The following GADL1 variants were observed in gnomAD, a reference collection of about 807,000 sequenced individuals.
GADL1 encodes acidic amino acid decarboxylase GADL1.
GADL1 carries 71 observed loss-of-function variants against 69.5 expected under a neutral mutation model. The observed-to-expected ratio is 1.02, with a 90% CI of 0.84 to 1.25. GADL1 has a LOEUF of 1.25. Ranked by LOEUF, GADL1 falls within the 50% of genes most tolerant of loss-of-function variation. The pLI, the probability that GADL1 is intolerant of heterozygous loss-of-function variation, is 0.00. For synonymous variants in GADL1, 254 were observed against 214.4 expected (o/e 1.18, Z -1.62); for missense variants, 737 against 631.8 (o/e 1.17, Z -1.79).
chr3:30,763,507 C>T (rs60300569), intron 14 of GADL1, among the ~76,000 whole-genome samples: 96 of 6,262 alleles, frequency 0.015, 2 homozygotes, highest in Admixed American at 0.026. Context: ...GTCTCGGCGG[C>T]GGGGGGTGGG....
chr3:30,775,901 A>T (rs1339568907), intron 14 of GADL1, among the ~76,000 whole-genome samples: 1 of 152,156 alleles, frequency 6.6e-6, no homozygotes, highest in Admixed American at 6.5e-5. Context: ...CCTGGCCAAC[A>T]TGGTGAAACC....
At chr3:30,874,926 G>A (rs1698556738) in intron 1 of GADL1, among the ~76,000 whole-genome samples, 1 of 151,864 alleles carries the variant, frequency 6.6e-6, no homozygotes, top group African/African-American at 2.4e-5. Flanking sequence ...ATTGCTTCGG[G>A]GTAATTCTGG....
At position 30,778,273 on chromosome 3, in the gene GADL1, G is replaced by T. The variant is rs1157799; in HGVS notation, c.1303-5C>A. The T allele has an allele frequency of 0.027, 42,216 of 1,569,298 alleles. 4,998 individuals carry two copies. The African/African-American group carries it at 0.36, about 13-fold the overall frequency. The stretch of plus-strand genomic sequence containing the variant: ...GCAAATATTGGCATATTCAGGCTGA[G>T]AATTAGAAAAAATATAAAGTTGTTA... On this transcript the variant is annotated splice_region_variant and splice_polypyrimidine_tract_variant and intron_variant, in intron 13 of 14. Transcript: ENST00000282538.
At chr3:30,844,318 G>A in intron 7 of GADL1, 54 bp from the exon 8 acceptor site, 2 of 1,558,506 alleles carry the variant, frequency 1.3e-6, no homozygotes, top group South Asian at 2.2e-5. Context: ...AACAGATAAT[G>A]ATACTGCTTT....
intron 14 of GADL1, among the ~76,000 whole-genome samples, chr3:30,728,763 C>A (rs1285113746): frequency 6.6e-6 from 1 of 152,016 alleles, no homozygotes; most frequent in Non-Finnish European, 1.5e-5. Flanking sequence ...TTATTCAATG[C>A]TGCCTCATTA....
In GADL1 at chr3:30,861,625, C is replaced by G; in HGVS notation, c.178G>C (p.Val60Leu). ...EEACRLIMEE[V>L]VLKATDVNEK... ...TTGACATCTGTAGCTTTCAAAACCA[C>G]CTCTTCCATTATTAGCCTACAGGCC... is the stretch of plus-strand genomic sequence containing the variant. Residue 60 changes from valine (V) to leucine (L), a missense_variant, in exon 2 of 15, where the codon GTG becomes CTG. Transcript: ENST00000282538. 6.5e-7 allele frequency: 1 copy of G among 1,549,634 alleles called. No individual in the cohort carries two copies. The highest frequency in any genetic ancestry group is 8.7e-7 in the Non-Finnish European group (1 of 1,145,842).
At chr3:30,845,077 G>A (rs960416788) in intron 6 of GADL1, among the ~76,000 whole-genome samples, 1 of 152,106 alleles carries the variant, frequency 6.6e-6, no homozygotes, top group Admixed American at 6.6e-5. Context: ...TCAGACACTT[G>A]ACCAATCTTG....
chr3:30,837,885 C>T (rs1283738285), intron 9 of GADL1, among the ~76,000 whole-genome samples: 1 of 152,030 alleles, frequency 6.6e-6, no homozygotes, highest in Non-Finnish European at 1.5e-5. Context: ...GATAATCTAC[C>T]TCAAGTATTG....
rs184075463 is a variant in GADL1 at position 30,785,538 on chromosome 3, C to T, written c.1302+817G>A. Among the ~76,000 whole-genome samples the T allele has an allele frequency of 9.9e-5, 15 of 152,072 alleles. No homozygotes were observed. The East Asian group carries it at 1.4e-3, about 14-fold the overall frequency. On this transcript the variant is annotated intron_variant, in intron 13 of 14. Transcript: ENST00000282538. ...CTGGGATTACAAGCATGAGCCACCA[C>T]GCTCGACTAATTTTTGTATTTTTAG... is the stretch of plus-strand genomic sequence containing the variant.
intron 11 of GADL1, among the ~76,000 whole-genome samples, chr3:30,808,810 C>T (rs1339789055): frequency 6.6e-6 from 1 of 152,184 alleles, no homozygotes; most frequent in African/African-American, 2.4e-5. Flanking sequence ...TAAATATTCC[C>T]TCTTTCTGGC....
intron 11 of GADL1, among the ~76,000 whole-genome samples, chr3:30,802,335 G>C (rs1437303589): frequency 6.6e-6 from 1 of 152,228 alleles, no homozygotes; most frequent in Non-Finnish European, 1.5e-5. Context: ...GCTGGGCACA[G>C]AGCACTCTCA....
intron 6 of GADL1, among the ~76,000 whole-genome samples, chr3:30,848,751 TTA>T (rs1698096327): frequency 6.6e-6 from 1 of 152,194 alleles, no homozygotes; most frequent in Non-Finnish European, 1.5e-5. Flanking sequence ...CTAGTAACAA[TTA>T]TAGTTAATAT....
At chr3:30,867,991 TA>T (rs1039977305) in intron 1 of GADL1, among the ~76,000 whole-genome samples, 31 of 152,164 alleles carry the variant, frequency 2.0e-4, no homozygotes, top group African/African-American at 7.0e-4. Context: ...TATGCACTAA[TA>T]AATAATATAC....
intron 1 of GADL1, among the ~76,000 whole-genome samples, chr3:30,868,385 C>G (rs931158821): frequency 1.3e-5 from 2 of 152,070 alleles, no homozygotes; most frequent in Non-Finnish European, 2.9e-5. Flanking sequence ...ATTTCCCATG[C>G]TCTGGTCACC....
At chr3:30,882,998 C>T (rs1352167658) in intron 1 of GADL1, among the ~76,000 whole-genome samples, 2 of 151,914 alleles carry the variant, frequency 1.3e-5, no homozygotes, top group Non-Finnish European at 2.9e-5. Context: ...GTACTTTGCC[C>T]ATTTTTAAGT....
intron 1 of GADL1, 56 bp from the exon 2 acceptor site, chr3:30,861,821 A>G (rs547816705): frequency 8.6e-7 from 1 of 1,167,290 alleles, no homozygotes; most frequent in Admixed American, 2.4e-5. Flanking sequence ...ACCACATAAC[A>G]AAGCACGGGA....
intron 2 of GADL1, among the ~76,000 whole-genome samples, chr3:30,861,304 G>A (rs1287791535): frequency 7.4e-6 from 1 of 134,436 alleles, no homozygotes; most frequent in African/African-American, 2.6e-5. Context: ...TATTATCTAG[G>A]GTGCAGGAAG....
intron 14 of GADL1, among the ~76,000 whole-genome samples, chr3:30,755,022 G>A (rs367725753): frequency 1.3e-5 from 2 of 152,146 alleles, no homozygotes; most frequent in South Asian, 2.1e-4. Context: ...AAAGATTTCT[G>A]GTTGAAGAAT....
chr3:30,763,703 AT>A (rs1696198088), intron 14 of GADL1, among the ~76,000 whole-genome samples: 1 of 152,142 alleles, frequency 6.6e-6, no homozygotes, highest in Non-Finnish European at 1.5e-5. Flanking sequence ...TTACATCAAA[AT>A]TGCAACAGTT....
Sources: gnomAD v4.1 joint callset for allele counts (sites outside exome capture counted in the v4.1 genomes callset) on GRCh38, gnomAD v4.1.1 for gene constraint, MANE v1.5 for transcripts, NCBI Gene and HGNC (gene_info 2026-07-23, HGNC 2026-07-21) for gene names.